RASA3: variants seen among roughly 807,000 people sequenced by gnomAD.
RASA3 encodes the protein ras GTPase-activating protein 3.
A neutral mutation model predicts 110.0 loss-of-function variants in RASA3; 73 were observed. The observed-to-expected ratio is 0.66, with a 90% CI of 0.55 to 0.81. The LOEUF is 0.81. Ranked by LOEUF, RASA3 falls within the 30% of genes least tolerant of loss-of-function variation. RASA3 has a pLI of 0.00. For synonymous variants in RASA3, 500 were observed against 451.4 expected (o/e 1.11, Z -1.37); for missense variants, 976 against 1,113.2 (o/e 0.88, Z 1.75).
At chr13:114,108,203 C>T (rs2080160166) in intron 1 of RASA3, among the ~76,000 whole-genome samples, 1 of 151,150 alleles carries the variant, frequency 6.6e-6, no homozygotes, top group African/African-American at 2.4e-5. Flanking sequence ...AGCTGTCATC[C>T]CCCATCACCC....
chr13:114,013,998 C>T (rs931646172), intron 14 of RASA3, among the ~76,000 whole-genome samples: 5 of 137,172 alleles, frequency 3.6e-5, no homozygotes, highest in African/African-American at 1.5e-4. Context: ...CCATCTCTCT[C>T]CGTCTGTCTC....
In RASA3 at chr13:114,056,372, A is replaced by C; in HGVS notation, c.174-4217T>G. ...CACAAACGGGCGCCGCGCACCTGGC[A>C]TTTAACCCTGCACACTTCCTCACCA... On this transcript the variant is annotated intron_variant, in intron 2 of 23. Transcript: ENST00000334062. The surrounding 1 kb of genome is among the most constrained non-coding windows in gnomAD (Gnocchi z 5.7). 1 of 910,892 alleles carries C rather than the reference A, an allele frequency of 1.1e-6. No homozygotes were observed. Among genetic ancestry groups the C allele is most frequent in the Non-Finnish European group, 1.3e-6 (1 of 762,142 alleles). 56.4% of individuals were successfully genotyped at this position (910,892 alleles called of 1,614,324 possible).
intron 4 of RASA3, among the ~76,000 whole-genome samples, chr13:114,039,826 G>A (rs2054359466): frequency 6.6e-6 from 1 of 152,226 alleles, no homozygotes; most frequent in Non-Finnish European, 1.5e-5. Context: ...GGGGAGGTGG[G>A]ACAAGCTCCC....
At chr13:113,994,370 T>C (rs112253593) in intron 21 of RASA3, among the ~76,000 whole-genome samples, 2,259 of 152,270 alleles carry the variant, frequency 0.015, 48 homozygotes, top group African/African-American at 0.051. Context: ...GTGGTTATAG[T>C]TCTGTGTGAG....
chr13:114,026,572 T>C (rs2054029231), intron 7 of RASA3, among the ~76,000 whole-genome samples: 1 of 152,194 alleles, frequency 6.6e-6, no homozygotes, highest in African/African-American at 2.4e-5. Flanking sequence ...CAGGACCCAC[T>C]GACCGGTAGG....
In RASA3 at chr13:113,978,587, C is replaced by A. The variant is rs1157728636; in HGVS notation, c.*760G>T. 6 of 152,206 alleles carry A rather than the reference C, an allele frequency of 3.9e-5. No individual in the cohort carries two copies. Among genetic ancestry groups the A allele is most frequent in the Non-Finnish European group, 8.8e-5 (6 of 68,050 alleles). The allele number at this position is 152,206 out of a possible 1,614,324, so 9.4% of individuals were successfully genotyped here. The stretch of plus-strand genomic sequence containing the variant: ...TCTGATTTTAAACCCCATTCAACAG[C>A]AAAACGATGTGGGCTTCAACTGTGG... On this transcript the variant is annotated 3_prime_UTR_variant, in exon 24 of 24. Transcript: ENST00000334062.
chr13:114,121,255 C>T (rs1243313097), intron 1 of RASA3, among the ~76,000 whole-genome samples: 1 of 152,256 alleles, frequency 6.6e-6, no homozygotes, highest in African/African-American at 2.4e-5. Flanking sequence ...GCCCCAAACA[C>T]ATCCCGCCGA....
intron 2 of RASA3, among the ~76,000 whole-genome samples, chr13:114,055,532 G>A (rs1162296168): frequency 1.3e-5 from 2 of 152,198 alleles, no homozygotes; most frequent in Non-Finnish European, 1.5e-5. Context: ...TAATATTCAC[G>A]ACAAGGCCTC....
chr13:114,015,732 T>C (rs2053775961), intron 13 of RASA3, among the ~76,000 whole-genome samples: 2 of 152,100 alleles, frequency 1.3e-5, no homozygotes. Flanking sequence ...AGTTTTGCTG[T>C]TTTAAAACGC....
Position 114,064,250 on chromosome 13 carries a change from C to T in RASA3, c.173+9470G>A, listed in dbSNP as rs1357609449. On this transcript the variant is annotated intron_variant, in intron 2 of 23. Coordinates refer to ENST00000334062, the MANE Select transcript of RASA3 (RefSeq NM_007368.4). The stretch of plus-strand genomic sequence containing the variant: ...AGGCCAGCCACGTCCACCTCGATCA[C>T]GTCACCTCGTGGGCAGAATGGCCTA... 4.6e-5 allele frequency among the ~76,000 whole-genome samples: 7 copies of T among 152,226 alleles called. 1 individual carries two copies. Among genetic ancestry groups the T allele is most frequent in the Non-Finnish European group, 7.3e-5 (5 of 68,044 alleles).
At chr13:114,125,833 C>T (rs538378218) in intron 1 of RASA3, among the ~76,000 whole-genome samples, 2 of 152,248 alleles carry the variant, frequency 1.3e-5, no homozygotes, top group South Asian at 4.1e-4. Context: ...AGTGAGCTGC[C>T]TCCCCGACCC....
rs963308595 is a variant in RASA3 at position 114,132,261 on chromosome 13, CGGGGAGGT to C, written c.55+166_55+173del. On this transcript the variant is annotated intron_variant, in intron 1 of 23. Coordinates refer to ENST00000334062, the MANE Select transcript of RASA3 (RefSeq NM_007368.4). ...CGACCCAGCCCGAGGCCCGGGGAGG[CGGGGAGGT>C]GGGGAGGGGCCGCGGAGCCGGACCA... Among the ~76,000 whole-genome samples, 122 of 151,814 alleles carry C rather than the reference CGGGGAGGT, an allele frequency of 8.0e-4. 1 individual carries two copies. The highest frequency in any genetic ancestry group is 1.3e-3 in the Non-Finnish European group (86 of 67,670).
At chr13:114,121,057 A>G (rs1405514380) in intron 1 of RASA3, among the ~76,000 whole-genome samples, 1 of 152,254 alleles carries the variant, frequency 6.6e-6, no homozygotes, top group Non-Finnish European at 1.5e-5. Flanking sequence ...AGTAGGGGGA[A>G]AAGCTATTAG....
At chr13:114,043,616 C>A (rs1188010530) in intron 3 of RASA3, among the ~76,000 whole-genome samples, 1 of 152,072 alleles carries the variant, frequency 6.6e-6, no homozygotes, top group African/African-American at 2.4e-5. Context: ...CTGCACGGGA[C>A]GCTGAAACCA....
intron 8 of RASA3, among the ~76,000 whole-genome samples, chr13:114,023,809 G>A (rs1253780897): frequency 6.6e-6 from 1 of 152,214 alleles, no homozygotes; most frequent in Non-Finnish European, 1.5e-5. Flanking sequence ...AACCCAGGAC[G>A]CCAGGTGAGA....
intron 20 of RASA3, among the ~76,000 whole-genome samples, chr13:113,996,959 G>A (rs547655696): frequency 6.6e-5 from 10 of 152,384 alleles, no homozygotes; most frequent in Admixed American, 2.6e-4. Flanking sequence ...TGGGGCCGTG[G>A]GGAATGGAGG....
chr13:114,039,211 C>A (rs2054342449), intron 4 of RASA3, among the ~76,000 whole-genome samples: 1 of 152,142 alleles, frequency 6.6e-6, no homozygotes, highest in Non-Finnish European at 1.5e-5. Context: ...CGCTGTGCTG[C>A]AACCCCATAC....
intron 1 of RASA3, among the ~76,000 whole-genome samples, chr13:114,102,782 C>T (rs1329687253): frequency 6.6e-6 from 1 of 152,176 alleles, no homozygotes; most frequent in Non-Finnish European, 1.5e-5. Context: ...TCCGGGGCTT[C>T]CTGACCCCTG....
At chr13:114,104,399 C>T (rs578166323) in intron 1 of RASA3, among the ~76,000 whole-genome samples, 79 of 152,206 alleles carry the variant, frequency 5.2e-4, no homozygotes, top group Non-Finnish European at 9.0e-4. Context: ...ACTGGTGATG[C>T]GGCCTGAGAT....
Sources: gnomAD v4.1 joint callset for allele counts (sites outside exome capture counted in the v4.1 genomes callset) on GRCh38, gnomAD v4.1.1 for gene constraint, Gnocchi (gnomAD v3.1) non-coding constraint, MANE v1.5 for transcripts, NCBI Gene and HGNC (gene_info 2026-07-23, HGNC 2026-07-21) for gene names.